Variants in PPP3CA observed in about 807,000 individuals in gnomAD.
PPP3CA encodes CAM-PRP catalytic subunit.
In PPP3CA, 14 loss-of-function variants were observed where a neutral mutation model predicts 66.5. The observed-to-expected ratio is 0.21, with a 90% CI of 0.14 to 0.33. The LOEUF (loss-of-function observed/expected upper bound fraction) is 0.33. Among genes scored for constraint, PPP3CA ranks in the 10% least tolerant of loss-of-function variants. The probability of loss-of-function intolerance (pLI) is 1.00; values close to 1 mark genes in which losing one functional copy is unlikely to be tolerated. For synonymous variants in PPP3CA, 232 were observed against 226.2 expected, an observed-to-expected ratio of 1.03 and a Z score of -0.23; for missense variants, 317 against 639.5, an observed-to-expected ratio of 0.50 and a Z score of 5.44.
At chr4:101,306,874 G>C (rs754350616) in intron 1 of PPP3CA, among the ~76,000 whole-genome samples, 3 of 152,040 alleles carry the variant, frequency 2.0e-5, no homozygotes, top group Non-Finnish European at 2.9e-5. Flanking sequence ...GTTAAGATGT[G>C]AGAATTACAG....
intron 1 of PPP3CA, among the ~76,000 whole-genome samples, chr4:101,228,692 C>G (rs1311363629): frequency 6.6e-6 from 1 of 151,546 alleles, no homozygotes; most frequent in Non-Finnish European, 1.5e-5. Flanking sequence ...AAACAGCCAA[C>G]TATCAAAGAT....
chr4:101,040,634 A>C (rs1465389090), intron 10 of PPP3CA, 68 bp from the exon 11 acceptor site: 1 of 1,278,594 alleles, frequency 7.8e-7, no homozygotes, highest in Non-Finnish European at 1.1e-6. Flanking sequence ...TTACACATTT[A>C]CACATACAAC....
At chr4:101,294,641 G>A (rs1396663291) in intron 1 of PPP3CA, among the ~76,000 whole-genome samples, 1 of 151,996 alleles carries the variant, frequency 6.6e-6, no homozygotes, top group Non-Finnish European at 1.5e-5. Context: ...GCAAAGAGGA[G>A]AAAAATAAGG....
At chr4:101,075,060 G>C (rs1221699577) in intron 8 of PPP3CA, among the ~76,000 whole-genome samples, 1 of 152,170 alleles carries the variant, frequency 6.6e-6, no homozygotes, top group African/African-American at 2.4e-5. Context: ...AAAACCATCA[G>C]ATCTTGTGAG....
intron 10 of PPP3CA, among the ~76,000 whole-genome samples, chr4:101,049,567 T>C (rs1366651734): frequency 2.0e-5 from 3 of 152,090 alleles, no homozygotes. Flanking sequence ...AAGATTGCTC[T>C]TGACATGGAT....
intron 1 of PPP3CA, among the ~76,000 whole-genome samples, chr4:101,241,423 C>A (rs1249487898): frequency 6.6e-6 from 1 of 151,878 alleles, no homozygotes; most frequent in East Asian, 1.9e-4. Flanking sequence ...GTTGCTAACT[C>A]TAACGAAAAA....
At position 101,088,744 on chromosome 4, in the gene PPP3CA, C is replaced by T. The variant is rs190835429; in HGVS notation, c.782+5032G>A. On this transcript the variant is annotated intron_variant, in intron 6 of 13. Transcript: ENST00000394854. ...ATGCATTGGGTAGAGGGAAGAGGGACGATACTAATGAAATTGGAAGCAGAG... is the reference window on the plus strand; with the variant it reads ...ATGCATTGGGTAGAGGGAAGAGGGATGATACTAATGAAATTGGAAGCAGAG... Among the ~76,000 whole-genome samples the T allele has an allele frequency of 2.6e-3, 394 of 151,822 alleles. 2 individuals carry two copies. The highest frequency in any genetic ancestry group is 8.1e-3 in the African/African-American group (336 of 41,392).
At chr4:101,106,370 GAGAAAAGAA>G (rs1420118713) in intron 3 of PPP3CA, among the ~76,000 whole-genome samples, 8 of 19,062 alleles carry the variant, frequency 4.2e-4, no homozygotes, top group Admixed American at 7.8e-4. Flanking sequence ...ATTTAAAAGA[GAGAAAAGAA>G]AGAAAGAAAG....
At chr4:101,226,688 A>G (rs1725793234) in intron 1 of PPP3CA, among the ~76,000 whole-genome samples, 1 of 151,708 alleles carries the variant, frequency 6.6e-6, no homozygotes, top group Admixed American at 6.6e-5. Flanking sequence ...TTTTTACTCA[A>G]AGATCTTACA....
intron 2 of PPP3CA, among the ~76,000 whole-genome samples, chr4:101,124,737 AAGAAAGAAAGAAAG>A (rs1560614532): frequency 2.2e-4 from 16 of 73,970 alleles, no homozygotes; most frequent in African/African-American, 9.6e-4. Context: ...GAAAGAAAGA[AAGAAAGAAAGAAAG>A]AAAGAAAGAA....
intron 8 of PPP3CA, among the ~76,000 whole-genome samples, chr4:101,072,874 T>G (rs1356665997): frequency 1.3e-5 from 2 of 148,162 alleles, no homozygotes; most frequent in Admixed American, 1.4e-4. Context: ...AGGCGGAGCT[T>G]GCAGTGAGCC....
chr4:101,117,205 A>T (rs2110269896), intron 2 of PPP3CA, among the ~76,000 whole-genome samples: 1 of 152,002 alleles, frequency 6.6e-6, no homozygotes, highest in East Asian at 1.9e-4. Flanking sequence ...ATAGTTATTA[A>T]CAATTACAAT....
At chr4:101,212,946 GTCTGGTT>G (rs1725344278) in intron 1 of PPP3CA, among the ~76,000 whole-genome samples, 2 of 151,954 alleles carry the variant, frequency 1.3e-5, no homozygotes, top group Non-Finnish European at 2.9e-5. Context: ...TAATCTATAT[GTCTGGTT>G]GGTATCTCAG....
In PPP3CA at chr4:101,032,469, C is replaced by CTATCT. The variant is rs2110205375; in HGVS notation, c.1242-110_1242-106dup. ...TGCATATAAGCACCCACATTTCCCT[C>CTATCT]TATCTTGGCTCTCCGGATCTTTTTT... On this transcript the variant is annotated intron_variant, in intron 11 of 13. Transcript: ENST00000394854. 5.7e-6 allele frequency: 5 copies of CTATCT among 878,718 alleles called. No individual in the cohort carries two copies. In the East Asian group the frequency reaches 1.3e-4, roughly 23 times the overall value. 54.4% of individuals were successfully genotyped at this position (878,718 alleles called of 1,614,324 possible).
intron 1 of PPP3CA, among the ~76,000 whole-genome samples, chr4:101,317,736 A>G (rs912674841): frequency 6.6e-6 from 1 of 152,198 alleles, no homozygotes; most frequent in African/African-American, 2.4e-5. Flanking sequence ...CCACTTGATG[A>G]AAGTCTCAAC....
intron 10 of PPP3CA, 31 bp from the exon 11 acceptor site, chr4:101,040,597 T>C (rs767234617): frequency 6.5e-7 from 1 of 1,542,238 alleles, no homozygotes. Flanking sequence ...CAGTGGTCAG[T>C]AATTTTTTAT....
chr4:101,052,666 A>G (rs2110219122), intron 10 of PPP3CA, among the ~76,000 whole-genome samples: 1 of 152,072 alleles, frequency 6.6e-6, no homozygotes, highest in South Asian at 2.1e-4. Flanking sequence ...ACCTTTTTAC[A>G]CATCTTTCTT....
intron 1 of PPP3CA, among the ~76,000 whole-genome samples, chr4:101,277,478 A>T (rs1054137658): frequency 6.6e-6 from 1 of 152,234 alleles, no homozygotes; most frequent in Non-Finnish European, 1.5e-5. Context: ...CCAATTTGAC[A>T]GAAATTGCTC....
chr4:101,084,652 A>C (rs1050947761), intron 6 of PPP3CA, among the ~76,000 whole-genome samples: 2 of 152,146 alleles, frequency 1.3e-5, no homozygotes, highest in Non-Finnish European at 2.9e-5. Flanking sequence ...TCAAAAAAAA[A>C]AAAAGAAAGA....
Sources: allele counts gnomAD v4.1 joint callset (sites outside exome capture counted in the v4.1 genomes callset), GRCh38; gene constraint gnomAD v4.1.1; transcripts MANE v1.5; gene names NCBI Gene and HGNC (gene_info 2026-07-23, HGNC 2026-07-21).